SIPA1L3: variants seen among roughly 807,000 people sequenced by gnomAD.
SIPA1L3 encodes the protein signal-induced proliferation-associated 1-like protein 3.
A neutral mutation model predicts 150.1 loss-of-function variants in SIPA1L3; 59 were observed. The ratio of observed to expected loss-of-function variants is 0.39; its 90% CI spans 0.32 to 0.49. The LOEUF is 0.49. SIPA1L3 is among the 20% of genes least tolerant of loss of function. The pLI is 0.86. For missense variants in SIPA1L3, 2,211 were observed against 2,489.5 expected, an observed-to-expected ratio of 0.89 and a Z score of 2.38; for synonymous variants, 1,070 against 1,077.6, an observed-to-expected ratio of 0.99 and a Z score of 0.14.
intron 2 of SIPA1L3, among the ~76,000 whole-genome samples, chr19:38,067,528 C>T (rs534639289): frequency 2.6e-5 from 4 of 152,044 alleles, no homozygotes; most frequent in East Asian, 1.9e-4. Context: ...TTTGGGAGGC[C>T]GAGGCGGGCA....
intron 1 of SIPA1L3, among the ~76,000 whole-genome samples, chr19:37,993,177 C>A (rs895777429): frequency 6.6e-6 from 1 of 152,142 alleles, no homozygotes; most frequent in Non-Finnish European, 1.5e-5. Flanking sequence ...AGTGACTTAG[C>A]CCCCTGCCCC....
intron 4 of SIPA1L3, among the ~76,000 whole-genome samples, chr19:38,095,195 C>T (rs535771466): frequency 6.6e-6 from 1 of 152,352 alleles, no homozygotes; most frequent in South Asian, 2.1e-4. Context: ...ACATTGAGCT[C>T]TCACTCTGTA....
intron 1 of SIPA1L3, among the ~76,000 whole-genome samples, chr19:37,984,446 C>G (rs10422365): frequency 1.3e-5 from 2 of 151,724 alleles, no homozygotes; most frequent in African/African-American, 2.4e-5. Context: ...AAGCTCACAA[C>G]GAGTGCCAAG....
At chr19:38,123,884 G>A (rs1183364889) in intron 9 of SIPA1L3, among the ~76,000 whole-genome samples, 3 of 144,210 alleles carry the variant, frequency 2.1e-5, no homozygotes, top group East Asian at 2.0e-4. Flanking sequence ...GCGGCTGGCC[G>A]GGCAGAGGGG....
chr19:37,993,754 A>T (rs1014201271), intron 1 of SIPA1L3, among the ~76,000 whole-genome samples: 9 of 152,248 alleles, frequency 5.9e-5, no homozygotes, highest in African/African-American at 2.2e-4. Flanking sequence ...ACCAGGTGTG[A>T]TGTTGTCTTG....
intron 8 of SIPA1L3, among the ~76,000 whole-genome samples, chr19:38,112,117 GCA>G (rs917084986): frequency 4.7e-5 from 7 of 148,282 alleles, no homozygotes; most frequent in African/African-American, 1.7e-4. Flanking sequence ...ACACATACAT[GCA>G]CACACATACA....
chr19:38,172,543 G>T (rs539748535), intron 15 of SIPA1L3, among the ~76,000 whole-genome samples: 43 of 152,306 alleles, frequency 2.8e-4, no homozygotes, highest in Admixed American at 5.9e-4. Flanking sequence ...GTGATGCGTT[G>T]TAGGAAGCCA....
Position 38,081,504 on chromosome 19 carries a change from G to T in SIPA1L3, c.-62G>T. The T allele has an allele frequency of 6.8e-7, 1 of 1,468,234 alleles. No homozygotes were observed. The highest frequency in any genetic ancestry group is 1.3e-5 in the South Asian group (1 of 75,784). The allele number at this position is 1,468,234 out of a possible 1,614,324, so 91.0% of individuals were successfully genotyped here. A position where few individuals can be genotyped will look rare whatever the true frequency, so the allele number is the denominator to read the frequency against. ...TGCCCTGAACAATGGCTGAGGGCTG[G>T]GGGACCCCATAGAGTGACACCACAG... On this transcript the variant is annotated 5_prime_UTR_variant, in exon 3 of 22. Transcript: ENST00000222345.
intron 1 of SIPA1L3, among the ~76,000 whole-genome samples, chr19:38,012,214 T>G (rs1003764510): frequency 2.6e-5 from 4 of 151,944 alleles, no homozygotes; most frequent in African/African-American, 9.7e-5. Context: ...GCCTCCTGGA[T>G]AGCTGGGACC....
In SIPA1L3 at chr19:37,990,716, T is replaced by C. The variant is rs377078045; in HGVS notation, c.-378-38373T>C. Among the ~76,000 whole-genome samples the C allele has an allele frequency of 1.1e-4, 17 of 152,330 alleles. No individual in the cohort carries two copies. The East Asian group carries it at 3.3e-3, about 29-fold the overall frequency. On this transcript the variant is annotated intron_variant, in intron 1 of 21. Coordinates refer to ENST00000222345, the MANE Select transcript of SIPA1L3 (RefSeq NM_015073.3). ...GTAGCTGGCAAGTGCTTACACGCTC[T>C]CAGAGGCCCAGCAGACATCTCTGTC...
intron 1 of SIPA1L3, among the ~76,000 whole-genome samples, chr19:37,943,481 C>G (rs1310403137): frequency 6.6e-6 from 1 of 152,198 alleles, no homozygotes; most frequent in East Asian, 1.9e-4. Flanking sequence ...ACATCAGTGG[C>G]CTTTTCACCA....
chr19:37,977,431 A>G (rs1417508770), intron 1 of SIPA1L3, among the ~76,000 whole-genome samples: 1 of 152,156 alleles, frequency 6.6e-6, no homozygotes, highest in East Asian at 1.9e-4. Context: ...TGGCCTCCCA[A>G]AGTGCTGGGA....
At chr19:38,150,445 T>G (rs1971794238) in intron 12 of SIPA1L3, among the ~76,000 whole-genome samples, 2 of 152,022 alleles carry the variant, frequency 1.3e-5, no homozygotes, top group Admixed American at 1.3e-4. Context: ...GGATCCTAGT[T>G]TATCACCTCA....
intron 1 of SIPA1L3, among the ~76,000 whole-genome samples, chr19:37,911,712 C>T (rs2046379343): frequency 2.0e-5 from 3 of 151,568 alleles, no homozygotes; most frequent in Non-Finnish European, 4.4e-5. Flanking sequence ...GGGGTTTCAC[C>T]GTGGTCTCGA....
chr19:38,036,911 A>G (rs1179421155), intron 2 of SIPA1L3, among the ~76,000 whole-genome samples: 2 of 152,122 alleles, frequency 1.3e-5, no homozygotes, highest in African/African-American at 4.8e-5. Context: ...GCACAGCAGC[A>G]CTTAGATGCC....
intron 4 of SIPA1L3, among the ~76,000 whole-genome samples, chr19:38,096,877 G>A (rs1394304790): frequency 2.0e-5 from 3 of 152,192 alleles, no homozygotes; most frequent in African/African-American, 7.2e-5. Context: ...AAAGGTGTTC[G>A]TGTGCACTGA....
intron 9 of SIPA1L3, among the ~76,000 whole-genome samples, chr19:38,126,640 G>A (rs1346159419): frequency 3.3e-5 from 5 of 151,702 alleles, no homozygotes; most frequent in South Asian, 2.1e-4. Context: ...CGGTTCAAGC[G>A]ATTCTCCTGC....
chr19:38,154,186 AT>A (rs1224013541), intron 13 of SIPA1L3, among the ~76,000 whole-genome samples: 1 of 152,184 alleles, frequency 6.6e-6, no homozygotes, highest in East Asian at 1.9e-4. Context: ...TCAGTGTTAC[AT>A]TTGTGACAGC....
intron 8 of SIPA1L3, among the ~76,000 whole-genome samples, chr19:38,118,787 G>C (rs912050552): frequency 4.6e-5 from 7 of 152,108 alleles, no homozygotes; most frequent in African/African-American, 1.4e-4. Context: ...GCCCGCCTCA[G>C]CCTCCCAAAG....
Sources: gnomAD v4.1 joint callset for allele counts (sites outside exome capture counted in the v4.1 genomes callset) on GRCh38, gnomAD v4.1.1 for gene constraint, MANE v1.5 for transcripts, NCBI Gene and HGNC (gene_info 2026-07-23, HGNC 2026-07-21) for gene names.